Variants in CRACD observed in about 807,000 individuals in gnomAD.
CRACD encodes capping protein-inhibiting regulator of actin dynamics.
A neutral mutation model predicts 106.8 loss-of-function variants in CRACD; 56 were observed. The observed-to-expected ratio is 0.52, with a 90% CI of 0.42 to 0.66. The LOEUF (loss-of-function observed/expected upper bound fraction) is 0.66, where lower values mean the gene tolerates loss of function less well. CRACD is among the 30% of genes least tolerant of loss of function. CRACD has a pLI of 0.00. For synonymous variants in CRACD, 754 were observed against 670.8 expected (o/e 1.12, Z -1.92); for missense variants, 1,730 against 1,623.2 (o/e 1.07, Z -1.13).
intron 2 of CRACD, among the ~76,000 whole-genome samples, chr4:56,183,672 A>G (rs554610195): frequency 6.6e-6 from 1 of 152,358 alleles, no homozygotes; most frequent in South Asian, 2.1e-4. Flanking sequence ...CATAGTAGGA[A>G]GACCATACCT....
chr4:56,228,586 A>G (rs1190843648), intron 2 of CRACD, among the ~76,000 whole-genome samples: 1 of 149,390 alleles, frequency 6.7e-6, no homozygotes, highest in Non-Finnish European at 1.5e-5. Context: ...CCTGGTTAAC[A>G]TAACGAGACA....
chr4:56,188,890 G>C (rs1001897904), intron 2 of CRACD, among the ~76,000 whole-genome samples: 2 of 151,234 alleles, frequency 1.3e-5, no homozygotes, highest in African/African-American at 2.4e-5. Context: ...AACCATAATG[G>C]GCTGGGTGCG....
intron 1 of CRACD, among the ~76,000 whole-genome samples, chr4:56,126,517 T>C (rs1734665132): frequency 6.6e-6 from 1 of 152,210 alleles, no homozygotes; most frequent in Non-Finnish European, 1.5e-5. Flanking sequence ...TTTCCTCTTC[T>C]AATTGACTTA....
chr4:56,094,403 C>T (rs1733524107), intron 1 of CRACD, among the ~76,000 whole-genome samples: 1 of 148,634 alleles, frequency 6.7e-6, no homozygotes, highest in African/African-American at 2.5e-5. Context: ...TTATGTATTC[C>T]ATAGTTTCAT....
intron 10 of CRACD, among the ~76,000 whole-genome samples, chr4:56,326,100 C>T (rs1337017213): frequency 6.6e-6 from 1 of 152,154 alleles, no homozygotes; most frequent in Non-Finnish European, 1.5e-5. Flanking sequence ...TTAGCAGAGA[C>T]AGGGTTTCAC....
chr4:56,188,680 T>TCACA (rs1246036600), intron 2 of CRACD, among the ~76,000 whole-genome samples: 1 of 109,908 alleles, frequency 9.1e-6, no homozygotes, highest in South Asian at 3.1e-4. Flanking sequence ...TCTCTCTCTC[T>TCACA]CTCTCTCACA....
rs1478142257 is a variant in CRACD at position 56,107,570 on chromosome 4, C to T, written c.-336+58271C>T. On this transcript the variant is annotated intron_variant, in intron 1 of 10. Coordinates refer to ENST00000682029, the MANE Select transcript of CRACD (RefSeq NM_001393381.1). Reference sequence around the variant, plus strand: ...TGGCCTTTGGACTTTCCAGGGCCGGCCACCACTGGCAGTCCCATTGGTCTT... The same window carrying T: ...TGGCCTTTGGACTTTCCAGGGCCGGTCACCACTGGCAGTCCCATTGGTCTT... 2.0e-5 allele frequency among the ~76,000 whole-genome samples: 3 copies of T among 152,270 alleles called. No homozygotes were observed. In the East Asian group the frequency reaches 5.8e-4, roughly 29 times the overall value.
intron 2 of CRACD, among the ~76,000 whole-genome samples, chr4:56,212,656 C>T (rs547604432): frequency 6.6e-5 from 10 of 152,142 alleles, no homozygotes; most frequent in Non-Finnish European, 1.3e-4. Flanking sequence ...CTTGGGCTCT[C>T]AGATCCCCTT....
At position 56,324,266 on chromosome 4, in the gene CRACD, G is replaced by C; in HGVS notation, c.3541G>C (p.Val1181Leu). 6.2e-7 allele frequency: 1 copy of C among 1,611,848 alleles called. No individual in the cohort carries two copies. Among genetic ancestry groups the C allele is most frequent in the Non-Finnish European group, 8.5e-7 (1 of 1,178,848 alleles). Residue 1181 changes from valine (V) to leucine (L), a missense_variant and splice_region_variant, in exon 10 of 11, where the codon GTG (valine) becomes CTG (leucine). Physicochemically the swap from Val to Leu is conservative, Grantham distance 32. This residue lies in a region of CRACD where 89 missense variants were observed against 89.6 expected (regional missense o/e 0.99). Coordinates refer to ENST00000682029, the MANE Select transcript of CRACD (RefSeq NM_001393381.1). ...CAATACTCTTCCTACGTCTGTGACA[G>C]GTAGAGAGCAGGTCCATTGCTTTGT... ...KANTLPTSVT[V>L]EISDSAPPAP...
At chr4:56,284,922 C>A (rs1284025635) in intron 3 of CRACD, among the ~76,000 whole-genome samples, 1 of 152,116 alleles carries the variant, frequency 6.6e-6, no homozygotes, top group East Asian at 1.9e-4. Context: ...TGAGCTGGAT[C>A]TCAAAAGATG....
At position 56,328,880 on chromosome 4, in the gene CRACD, A is replaced by G. The variant is rs1183012585; in HGVS notation, c.*1076A>G. On this transcript the variant is annotated 3_prime_UTR_variant, in exon 11 of 11. Transcript: ENST00000682029. Reference sequence around the variant, plus strand: ...TTACAAGAAGCAACAGGTTATTGACATTACATGTTTGAAAATTCCCTTTGG... The same window carrying G: ...TTACAAGAAGCAACAGGTTATTGACGTTACATGTTTGAAAATTCCCTTTGG... Among the ~76,000 whole-genome samples the G allele has an allele frequency of 6.6e-6, 1 of 152,220 alleles. No individual in the cohort carries two copies. Among genetic ancestry groups the G allele is most frequent in the East Asian group, 1.9e-4 (1 of 5,196 alleles).
intron 3 of CRACD, among the ~76,000 whole-genome samples, chr4:56,286,249 C>T (rs1015264859): frequency 4.0e-5 from 6 of 151,820 alleles, no homozygotes; most frequent in African/African-American, 1.2e-4. Context: ...CAAAATTAGA[C>T]GAGTGTGGTG....
intron 1 of CRACD, among the ~76,000 whole-genome samples, chr4:56,086,979 C>T (rs552942335): frequency 1.3e-5 from 2 of 152,270 alleles, no homozygotes; most frequent in Admixed American, 1.3e-4. Context: ...CTCTCTCTCC[C>T]TCTTCTTCCT....
In CRACD at chr4:56,145,785, T is replaced by A. The variant is rs116217784; in HGVS notation, c.-335-33499T>A. Among the ~76,000 whole-genome samples, 597 of 151,760 alleles carry A rather than the reference T, an allele frequency of 3.9e-3. 3 individuals are homozygous for A. The highest frequency in any genetic ancestry group is 0.014 in the African/African-American group (582 of 41,422). On this transcript the variant is annotated intron_variant, in intron 1 of 10. Coordinates refer to ENST00000682029, the MANE Select transcript of CRACD (RefSeq NM_001393381.1). ...GTGTGTGACTCCACACCCAGCTAAT[T>A]TTTTTTTGTATTTTTTGTATTTGAG... is the stretch of plus-strand genomic sequence containing the variant.
intron 1 of CRACD, among the ~76,000 whole-genome samples, chr4:56,107,797 G>T (rs1438300489): frequency 6.6e-6 from 1 of 152,202 alleles, no homozygotes; most frequent in African/African-American, 2.4e-5. Flanking sequence ...AAATGCTACA[G>T]GTTGTGGAGC....
At chr4:56,266,577 G>A (rs971387855) in intron 2 of CRACD, among the ~76,000 whole-genome samples, 5 of 152,168 alleles carry the variant, frequency 3.3e-5, no homozygotes, top group African/African-American at 1.2e-4. Flanking sequence ...AGTTGTTCCG[G>A]AATATTTCCC....
chr4:56,267,230 C>G (rs1170971566), intron 2 of CRACD, among the ~76,000 whole-genome samples: 1 of 151,826 alleles, frequency 6.6e-6, no homozygotes, highest in Non-Finnish European at 1.5e-5. Context: ...AAGCAATTCT[C>G]CTGCCTCAGC....
At chr4:56,274,596 A>T (rs1742566622) in intron 3 of CRACD, among the ~76,000 whole-genome samples, 1 of 152,208 alleles carries the variant, frequency 6.6e-6, no homozygotes, top group Non-Finnish European at 1.5e-5. Context: ...AAATAGCTGC[A>T]TTTCTAATAA....
At chr4:56,194,323 A>C (rs1257791326) in intron 2 of CRACD, among the ~76,000 whole-genome samples, 1 of 152,214 alleles carries the variant, frequency 6.6e-6, no homozygotes, top group South Asian at 2.1e-4. Flanking sequence ...AAAATACCCA[A>C]TTCTCTAGGG....
Sources: gnomAD v4.1 joint callset for allele counts (sites outside exome capture counted in the v4.1 genomes callset) on GRCh38, gnomAD v4.1.1 for gene constraint, gnomAD v4.1.1 regional missense constraint, MANE v1.5 for transcripts, NCBI Gene and HGNC (gene_info 2026-07-23, HGNC 2026-07-21) for gene names.